Variants in CDK14 observed in about 807,000 individuals in gnomAD.
The protein encoded by CDK14 is cyclin-dependent kinase 14.
In CDK14, 34 loss-of-function variants were observed where a neutral mutation model predicts 60.7. The ratio of observed to expected loss-of-function variants is 0.56; its 90% CI spans 0.43 to 0.75. The LOEUF (loss-of-function observed/expected upper bound fraction) is 0.75. CDK14 is among the 30% of genes least tolerant of loss of function. CDK14 has a pLI of 0.00. For synonymous variants in CDK14, 197 were observed against 203.7 expected, an observed-to-expected ratio of 0.97 and a Z score of 0.28; for missense variants, 482 against 564.1, an observed-to-expected ratio of 0.85 and a Z score of 1.47.
chr7:90,758,765 G>A (rs552635857), intron 4 of CDK14, among the ~76,000 whole-genome samples: 4 of 152,288 alleles, frequency 2.6e-5, no homozygotes, highest in Admixed American at 2.0e-4. Context: ...AGAACGTAGT[G>A]AGAAAGGCCC....
rs560962577 is a variant in CDK14, at chr7:90,674,216, T to C, written c.124-52351T>C. On this transcript the variant is annotated intron_variant, in intron 2 of 14. Transcript: ENST00000380050. The stretch of plus-strand genomic sequence containing the variant: ...TGATTATCTATAGCGAGAAAAAAAA[T>C]GCAGCCTTTGAAGCACAGCCATGTA... Among the ~76,000 whole-genome samples, 23 of 152,272 alleles carry C rather than the reference T, an allele frequency of 1.5e-4. No individual in the cohort carries two copies. The South Asian group carries it at 4.8e-3, about 32-fold the overall frequency.
intron 6 of CDK14, among the ~76,000 whole-genome samples, chr7:90,884,920 T>G (rs115556735): frequency 1.3e-5 from 2 of 152,146 alleles, no homozygotes; most frequent in Non-Finnish European, 2.9e-5. Context: ...CTTAATGCCT[T>G]ATACAAAATT....
chr7:90,922,250 A>G (rs77826579), intron 8 of CDK14, among the ~76,000 whole-genome samples: 24,417 of 152,170 alleles, frequency 0.16, 2,252 homozygotes, highest in Middle Eastern at 0.28. Context: ...TATATTTTTA[A>G]TAGCAAAAAC....
At chr7:90,694,980 A>G (rs764084486) in intron 2 of CDK14, among the ~76,000 whole-genome samples, 1 of 152,210 alleles carries the variant, frequency 6.6e-6, no homozygotes, top group African/African-American at 2.4e-5. Flanking sequence ...TATGTGAGTT[A>G]TATAATCTTA....
At chr7:90,830,982 G>A (rs1789893893) in intron 5 of CDK14, among the ~76,000 whole-genome samples, 1 of 152,086 alleles carries the variant, frequency 6.6e-6, no homozygotes, top group Non-Finnish European at 1.5e-5. Context: ...CAGCATTTTG[G>A]TCAAAACCAT....
At chr7:90,808,622 A>T (rs1360073174) in intron 5 of CDK14, among the ~76,000 whole-genome samples, 1 of 152,218 alleles carries the variant, frequency 6.6e-6, no homozygotes, top group South Asian at 2.1e-4. Flanking sequence ...AAAGATATTA[A>T]CCTTAAATGT....
intron 6 of CDK14, among the ~76,000 whole-genome samples, chr7:90,894,727 T>C (rs539162682): frequency 1.3e-5 from 2 of 152,358 alleles, no homozygotes; most frequent in South Asian, 4.1e-4. Context: ...ATCTTATTTA[T>C]GCAAAGTTGG....
rs546121738 is a variant in CDK14 at position 91,091,241 on chromosome 7, T to C, written c.1154+11761T>C. ...CAAGACCCTATCTGTAAAAAATTTA[T>C]CTGTAAAAAAAATATTTTATTTATT... On this transcript the variant is annotated intron_variant, in intron 12 of 14. Coordinates refer to ENST00000380050, the MANE Select transcript of CDK14 (RefSeq NM_001287135.2). Among the ~76,000 whole-genome samples, 6 of 147,908 alleles carry C rather than the reference T, an allele frequency of 4.1e-5. No individual in the cohort carries two copies. In the South Asian group the frequency reaches 1.1e-3, roughly 26 times the overall value.
chr7:91,027,269 A>G (rs1562873745), intron 10 of CDK14, among the ~76,000 whole-genome samples: 1 of 152,246 alleles, frequency 6.6e-6, no homozygotes. Context: ...CTAAATTAAC[A>G]TCAGTTTACA....
chr7:90,802,480 G>A (rs1788678258), intron 5 of CDK14, among the ~76,000 whole-genome samples: 1 of 152,140 alleles, frequency 6.6e-6, no homozygotes, highest in Non-Finnish European at 1.5e-5. Flanking sequence ...CATCCTCATG[G>A]TCTTCAAGCT....
intron 2 of CDK14, among the ~76,000 whole-genome samples, chr7:90,705,632 C>G (rs540083803): frequency 6.7e-6 from 1 of 150,092 alleles, no homozygotes; most frequent in South Asian, 2.2e-4. Context: ...TTCACACCCT[C>G]TTCTAATAAG....
At chr7:91,175,333 G>A (rs1331443434) in intron 14 of CDK14, among the ~76,000 whole-genome samples, 10 of 152,052 alleles carry the variant, frequency 6.6e-5, no homozygotes, top group South Asian at 2.1e-4. Context: ...AGGAACAACC[G>A]GTATCAGCTG....
intron 8 of CDK14, among the ~76,000 whole-genome samples, chr7:90,929,428 T>C (rs1398104308): frequency 6.6e-6 from 1 of 152,258 alleles, no homozygotes; most frequent in African/African-American, 2.4e-5. Flanking sequence ...TTTTAAAGTA[T>C]AATTACTGGG....
At chr7:91,014,576 A>C (rs936250513) in intron 10 of CDK14, among the ~76,000 whole-genome samples, 3 of 152,186 alleles carry the variant, frequency 2.0e-5, no homozygotes, top group Non-Finnish European at 4.4e-5. Context: ...TGTTGTGACC[A>C]AGCTAAGTGT....
At chr7:90,779,473 C>G (rs903258823) in intron 4 of CDK14, among the ~76,000 whole-genome samples, 2 of 152,154 alleles carry the variant, frequency 1.3e-5, no homozygotes, top group African/African-American at 4.8e-5. Context: ...AGGCATGTCT[C>G]AAACCCCTGG....
intron 10 of CDK14, among the ~76,000 whole-genome samples, chr7:90,998,003 A>G (rs1005193112): frequency 2.4e-4 from 36 of 152,352 alleles, no homozygotes; most frequent in Admixed American, 1.5e-3. Flanking sequence ...ATTGATTTTC[A>G]ATTCCTTATT....
At chr7:90,609,136 C>T (rs1465218987) in intron 2 of CDK14, among the ~76,000 whole-genome samples, 9 of 152,142 alleles carry the variant, frequency 5.9e-5, no homozygotes, top group Non-Finnish European at 4.4e-5. Flanking sequence ...AACCTATCCT[C>T]CCACCTCAGC....
At chr7:91,165,774 C>T (rs1210305586) in intron 14 of CDK14, among the ~76,000 whole-genome samples, 1 of 152,202 alleles carries the variant, frequency 6.6e-6, no homozygotes, top group Admixed American at 6.5e-5. Context: ...GTCAAACCCT[C>T]TGCATTGTTA....
At chr7:91,047,727 G>A (rs1055837488) in intron 11 of CDK14, among the ~76,000 whole-genome samples, 1 of 152,178 alleles carries the variant, frequency 6.6e-6, no homozygotes, top group Non-Finnish European at 1.5e-5. Flanking sequence ...TGAGCAAGAT[G>A]GTTATTCCAG....
Sources: gnomAD v4.1 joint callset for allele counts (sites outside exome capture counted in the v4.1 genomes callset) on GRCh38, gnomAD v4.1.1 for gene constraint, MANE v1.5 for transcripts, NCBI Gene and HGNC (gene_info 2026-07-23, HGNC 2026-07-21) for gene names.